Variants in ZEB1 observed in about 807,000 individuals in gnomAD.
The protein encoded by ZEB1 is zinc finger E-box-binding homeobox 1.
A neutral mutation model predicts 84.9 loss-of-function variants in ZEB1; 21 were observed. The ratio of observed to expected loss-of-function variants is 0.25; its 90% CI spans 0.18 to 0.36. The LOEUF is 0.36. Ranked by LOEUF, ZEB1 falls within the 10% of genes least tolerant of loss-of-function variation. ZEB1 has a pLI of 1.00. For missense variants in ZEB1, 1,104 were observed against 1,330.2 expected, an observed-to-expected ratio of 0.83 and a Z score of 2.65; for synonymous variants, 420 against 471.1, an observed-to-expected ratio of 0.89 and a Z score of 1.41.
At chr10:31,372,181 C>T (rs887751655) in intron 1 of ZEB1, among the ~76,000 whole-genome samples, 2 of 151,946 alleles carry the variant, frequency 1.3e-5, no homozygotes, top group African/African-American at 2.4e-5. Flanking sequence ...AAAATAAGGA[C>T]GTGTTTTTCT....
intron 1 of ZEB1, among the ~76,000 whole-genome samples, chr10:31,383,810 A>G (rs1345605508): frequency 2.0e-5 from 3 of 152,164 alleles, no homozygotes; most frequent in Non-Finnish European, 4.4e-5. Context: ...TGTTGTAGAA[A>G]GAACTGGTAA....
intron 1 of ZEB1, among the ~76,000 whole-genome samples, chr10:31,372,020 T>TGA (rs143104953): frequency 5.9e-5 from 9 of 151,442 alleles, no homozygotes; most frequent in African/African-American, 9.7e-5. Context: ...CACATGTATG[T>TGA]GAGAGAGAGA....
chr10:31,445,150 C>T (rs1400041227), intron 1 of ZEB1, among the ~76,000 whole-genome samples: 18 of 138,566 alleles, frequency 1.3e-4, no homozygotes, highest in Admixed American at 2.7e-4. Context: ...AAGTTGGATT[C>T]CTAGGTATTT....
chr10:31,495,979 A>G (rs923822824), intron 3 of ZEB1, 141 bp downstream of exon 3: 1 of 854,292 alleles, frequency 1.2e-6, no homozygotes, highest in South Asian at 1.4e-5. Flanking sequence ...GTACTTAGGC[A>G]TATGGTGCAC....
chr10:31,380,968 T>A lies in ZEB1; in HGVS notation c.58+61676T>A, dbSNP rs111790081. On this transcript the variant is annotated intron_variant, in intron 1 of 8. Coordinates refer to ENST00000424869, the MANE Select transcript of ZEB1 (RefSeq NM_001174096.2). ...AGTTTTATTTGGTCAAATACATTAT[T>A]TTGTGATGAAATAACTGTGAGTGAT... is the stretch of plus-strand genomic sequence containing the variant. 2.0e-4 allele frequency among the ~76,000 whole-genome samples: 30 copies of A among 152,290 alleles called. 1 individual carries two copies. Among genetic ancestry groups the A allele is most frequent in the African/African-American group, 7.2e-4 (30 of 41,568 alleles).
At chr10:31,464,620 G>A (rs1294782253) in intron 2 of ZEB1, among the ~76,000 whole-genome samples, 1 of 152,122 alleles carries the variant, frequency 6.6e-6, no homozygotes, top group African/African-American at 2.4e-5. Flanking sequence ...ATTATGAAAA[G>A]TCAACGACAG....
intron 6 of ZEB1, among the ~76,000 whole-genome samples, chr10:31,517,800 A>G (rs753111185): frequency 6.6e-6 from 1 of 152,196 alleles, no homozygotes; most frequent in African/African-American, 2.4e-5. Context: ...TTAGCTATGT[A>G]TAGCCACATG....
intron 1 of ZEB1, among the ~76,000 whole-genome samples, chr10:31,422,558 G>A (rs1019953421): frequency 1.3e-5 from 2 of 152,090 alleles, no homozygotes; most frequent in Admixed American, 6.6e-5. Flanking sequence ...GAGTTAAACA[G>A]CATTAAAGAT....
chr10:31,422,364 T>A (rs946696272), intron 1 of ZEB1, among the ~76,000 whole-genome samples: 1 of 152,154 alleles, frequency 6.6e-6, no homozygotes, highest in African/African-American at 2.4e-5. Context: ...AAGAAAATGT[T>A]CAGGAATCTT....
At chr10:31,444,949 A>G (rs1325717246) in intron 1 of ZEB1, among the ~76,000 whole-genome samples, 1 of 152,066 alleles carries the variant, frequency 6.6e-6, no homozygotes, top group East Asian at 1.9e-4. Context: ...CAATTCTGTG[A>G]AGAAAGTCAT....
In ZEB1 at chr10:31,520,235, G is replaced by A. The variant is rs1461924629; in HGVS notation, c.903G>A (p.Gly301=). The change falls in exon 7 of 9, where the codon GGG becomes GGA. Residue 301 remains glycine, a synonymous_variant. Transcript: ENST00000424869. This position sits in a 1 kb window ranked among gnomAD's most constrained non-coding sequence, Gnocchi z 5.1. ...KKCISLIPVN[G]RPRTGLKTSQ... is the part of the protein sequence containing the mutation. ...GTATCAGCTTGATACCTGTGAATGG[G>A]CGACCAAGAACAGGACTCAAGACAT... The A allele has an allele frequency of 6.2e-7, 1 of 1,613,848 alleles. No homozygotes were observed. The highest frequency in any genetic ancestry group is 8.5e-7 in the Non-Finnish European group (1 of 1,179,898).
At chr10:31,469,220 G>A (rs570640465) in intron 2 of ZEB1, among the ~76,000 whole-genome samples, 34 of 152,148 alleles carry the variant, frequency 2.2e-4, no homozygotes, top group African/African-American at 6.3e-4. Flanking sequence ...GAAAATGGCC[G>A]AATAGGAACA....
At chr10:31,387,879 C>A in intron 1 of ZEB1, 3 of 545,940 alleles carry the variant, frequency 5.5e-6, no homozygotes, top group Non-Finnish European at 7.0e-6. Flanking sequence ...TTAAAATTGG[C>A]AATTTCTTTT....
At chr10:31,516,952 GA>G (rs2071270409) in intron 6 of ZEB1, among the ~76,000 whole-genome samples, 1 of 151,994 alleles carries the variant, frequency 6.6e-6, no homozygotes, top group Admixed American at 6.6e-5. Flanking sequence ...TCATTCTTGA[GA>G]TAAGTACAGA....
chr10:31,336,537 C>G (rs1184262683), intron 1 of ZEB1, among the ~76,000 whole-genome samples: 1 of 152,030 alleles, frequency 6.6e-6, no homozygotes, highest in Non-Finnish European at 1.5e-5. Flanking sequence ...AAAAGATTGG[C>G]AAATATGACT....
intron 1 of ZEB1, among the ~76,000 whole-genome samples, chr10:31,333,353 C>G (rs2037226693): frequency 6.6e-6 from 1 of 152,060 alleles, no homozygotes; most frequent in South Asian, 2.1e-4. Flanking sequence ...TTCTGATCAC[C>G]ACATTCTCAC....
rs115562729 is a variant in ZEB1 at position 31,335,555 on chromosome 10, C to T, written c.58+16263C>T. Among the ~76,000 whole-genome samples the T allele has an allele frequency of 9.2e-3, 1,405 of 152,250 alleles. 22 individuals are homozygous for T. The highest frequency in any genetic ancestry group is 0.032 in the African/African-American group (1,346 of 41,554). On this transcript the variant is annotated intron_variant, in intron 1 of 8. Transcript: ENST00000424869. ...AAGGAAAAGAATCATGTGAGCATCT[C>T]AATAGATCCATCTGTGATAAAACTC...
At chr10:31,411,329 C>T (rs1230552516) in intron 1 of ZEB1, among the ~76,000 whole-genome samples, 2 of 152,148 alleles carry the variant, frequency 1.3e-5, no homozygotes, top group African/African-American at 4.8e-5. Flanking sequence ...AACAAAGACA[C>T]ACCATACCAG....
chr10:31,415,606 A>G lies in ZEB1; in HGVS notation c.59-45431A>G, dbSNP rs147669494. Among the ~76,000 whole-genome samples, 8 of 152,204 alleles carry G rather than the reference A, an allele frequency of 5.3e-5. No individual in the cohort carries two copies. The East Asian group carries it at 1.5e-3, about 29-fold the overall frequency. On this transcript the variant is annotated intron_variant, in intron 1 of 8. Coordinates refer to ENST00000424869, the MANE Select transcript of ZEB1 (RefSeq NM_001174096.2). Reference sequence around the variant, plus strand: ...GTTATGTAATTGGTTTCTGGCATACATAGACTTTTATCATTTGCTCTGCTT... The same window carrying G: ...GTTATGTAATTGGTTTCTGGCATACGTAGACTTTTATCATTTGCTCTGCTT...
Sources: gnomAD v4.1 joint callset for allele counts (sites outside exome capture counted in the v4.1 genomes callset) on GRCh38, gnomAD v4.1.1 for gene constraint, Gnocchi (gnomAD v3.1) non-coding constraint, MANE v1.5 for transcripts, NCBI Gene and HGNC (gene_info 2026-07-23, HGNC 2026-07-21) for gene names.